The following TWF1 variants were observed in gnomAD, a reference collection of about 807,000 sequenced individuals.
The protein encoded by TWF1 is twinfilin actin binding protein 1, also known as twinfilin-1.
In TWF1, 14 loss-of-function variants were observed where a neutral mutation model predicts 47.9. The observed-to-expected ratio is 0.29, with a 90% CI of 0.19 to 0.46. The LOEUF (loss-of-function observed/expected upper bound fraction) is 0.46, where lower values mean the gene tolerates loss of function less well. Ranked by LOEUF, TWF1 falls within the 20% of genes least tolerant of loss-of-function variation. TWF1 has a pLI of 1.00. For synonymous variants in TWF1, 96 were observed against 139.2 expected (o/e 0.69, Z 2.18); for missense variants, 281 against 409.3 (o/e 0.69, Z 2.70).
chr12:43,795,655 C>G lies in TWF1; in HGVS notation c.983G>C (p.Gly328Ala), dbSNP rs779754703. Residue 328 changes from glycine to alanine, a missense_variant, in exon 9 of 9, where the codon GGT becomes GCT. Transcript: ENST00000395510. ...TCGAATTCCTCTTTTTCCTGCAGGA[C>G]CTTTTGGTTTTGCAAAACTTTGCTT... ...AHKQSFAKPK[G>A]PAGKRGIRRL... 1 of 1,613,388 alleles carries G rather than the reference C, an allele frequency of 6.2e-7. No homozygotes were observed. The highest frequency in any genetic ancestry group is 1.1e-5 in the South Asian group (1 of 91,048).
Position 43,804,133 on chromosome 12 carries a change from T to C in TWF1, c.103+362A>G, listed in dbSNP as rs1300839909. 1.1e-5 allele frequency: 4 copies of C among 355,014 alleles called. No individual in the cohort carries two copies. In the East Asian group the frequency reaches 2.3e-4, roughly 21 times the overall value. 22.0% of individuals were successfully genotyped at this position (355,014 alleles called of 1,614,324 possible). On this transcript the variant is annotated intron_variant, in intron 2 of 8. Transcript: ENST00000395510. Reference sequence around the variant, plus strand: ...TGTTTATATTTAAAAACAAACTTAATTGAATAATTCACAAGTAACTATTTT... The same window carrying C: ...TGTTTATATTTAAAAACAAACTTAACTGAATAATTCACAAGTAACTATTTT...
intron 8 of TWF1, 23 bp downstream of exon 8, chr12:43,796,950 TGAA>T (rs771142706): frequency 1.2e-6 from 2 of 1,602,900 alleles, no homozygotes; most frequent in Non-Finnish European, 8.5e-7. Flanking sequence ...TAGCAAAAAC[TGAA>T]GATTTTAAAA....
In TWF1 at chr12:43,795,212, A is replaced by G. The variant is rs1942527962; in HGVS notation, c.*373T>C. On this transcript the variant is annotated 3_prime_UTR_variant, in exon 9 of 9. Coordinates refer to ENST00000395510, the MANE Select transcript of TWF1 (RefSeq NM_002822.5). ...AGCCTGGTCCTTAACATATTCATTA[A>G]GTAATATGAATATTTTAAGGTCTTT... The G allele has an allele frequency of 1.2e-5, 2 of 165,550 alleles. No homozygotes were observed. The highest frequency in any genetic ancestry group is 6.0e-5 in the Admixed American group (1 of 16,774). The allele number at this position is 165,550 out of a possible 1,614,324, so 10.3% of individuals were successfully genotyped here.
At chr12:43,804,905 A>G (rs1942728923) in intron 1 of TWF1, among the ~76,000 whole-genome samples, 1 of 152,234 alleles carries the variant, frequency 6.6e-6, no homozygotes, top group Non-Finnish European at 1.5e-5. Context: ...CTCTTTTGAA[A>G]AATATTGAAA....
chr12:43,799,257 A>C, intron 5 of TWF1, 141 bp downstream of exon 5: 1 of 481,806 alleles, frequency 2.1e-6, no homozygotes, highest in Non-Finnish European at 3.6e-6. Context: ...TTAAGCACAT[A>C]GCCTTATCTC....
At chr12:43,803,406 C>T (rs1942698527) in intron 2 of TWF1, among the ~76,000 whole-genome samples, 1 of 151,950 alleles carries the variant, frequency 6.6e-6, no homozygotes, top group Non-Finnish European at 1.5e-5. Context: ...ACTGAATTTT[C>T]TAAAATGCTT....
intron 3 of TWF1, 55 bp from the exon 4 acceptor site, chr12:43,800,585 A>G: frequency 7.3e-7 from 1 of 1,360,896 alleles, no homozygotes; most frequent in South Asian, 1.2e-5. Context: ...ACATTACAAA[A>G]GCAAGCACAT....
At chr12:43,801,003 C>A (rs537024593) in intron 3 of TWF1, among the ~76,000 whole-genome samples, 1 of 152,256 alleles carries the variant, frequency 6.6e-6, no homozygotes, top group African/African-American at 2.4e-5. Context: ...CCACTCGCCT[C>A]GGCTTCCCAA....
chr12:43,802,056 C>G (rs1565701364), intron 3 of TWF1, among the ~76,000 whole-genome samples: 1 of 151,988 alleles, frequency 6.6e-6, no homozygotes, highest in Non-Finnish European at 1.5e-5. Context: ...ATTGCCATTG[C>G]CACAAATTTT....
chr12:43,804,869 A>C (rs1045855232), intron 1 of TWF1, among the ~76,000 whole-genome samples: 1 of 152,238 alleles, frequency 6.6e-6, no homozygotes, highest in Non-Finnish European at 1.5e-5. Context: ...TAATGAGCAA[A>C]TTACAATTTT....
intron 1 of TWF1, chr12:43,805,934 A>C (rs769743251): frequency 6.6e-6 from 10 of 1,524,818 alleles, no homozygotes; most frequent in Non-Finnish European, 8.8e-6. Context: ...GGACGGTGGA[A>C]GGCACGCCCC....
chr12:43,806,271 C>G lies in TWF1; in HGVS notation c.-26G>C. On this transcript the variant is annotated 5_prime_UTR_variant, in exon 1 of 9. Coordinates refer to ENST00000395510, the MANE Select transcript of TWF1 (RefSeq NM_002822.5). ...GGCGGCGGCCGCTAGCTCCCGGCTCCGGCGCTGAGTGCAGCCAGCGGCCCC... is the reference window on the plus strand; with the variant it reads ...GGCGGCGGCCGCTAGCTCCCGGCTCGGGCGCTGAGTGCAGCCAGCGGCCCC... 1 of 1,517,860 alleles carries G rather than the reference C, an allele frequency of 6.6e-7. No homozygotes were observed. The highest frequency in any genetic ancestry group is 8.8e-7 in the Non-Finnish European group (1 of 1,136,436). The allele number at this position is 1,517,860 out of a possible 1,614,324, so 94.0% of individuals were successfully genotyped here.
intron 4 of TWF1, among the ~76,000 whole-genome samples, chr12:43,800,017 A>C (rs1942629714): frequency 6.6e-6 from 1 of 152,122 alleles, no homozygotes; most frequent in Admixed American, 6.5e-5. Context: ...AAATTAAGAA[A>C]CCAGCCCACT....
At chr12:43,805,428 G>C (rs1942741442) in intron 1 of TWF1, 2 of 387,540 alleles carry the variant, frequency 5.2e-6, no homozygotes, top group Non-Finnish European at 1.0e-5. Context: ...AGAAAGACTC[G>C]CTATTAACAG....
rs1455990203 is a variant in TWF1, at chr12:43,797,010, A to G, written c.848T>C (p.Val283Ala). 29 of 1,611,300 alleles carry G rather than the reference A, an allele frequency of 1.8e-5. No homozygotes were observed. The highest frequency in any genetic ancestry group is 2.5e-5 in the Non-Finnish European group (29 of 1,179,356). Reference sequence around the variant, plus strand: ...TACATCCATTTGTAGTTGTCTTTCTACAATTTCTAGCAGACGGCTCTTGCA... The same window carrying G: ...TACATCCATTTGTAGTTGTCTTTCTGCAATTTCTAGCAGACGGCTCTTGCA... ...SSCKSRLLEI[V>A]ERQLQMDVIR... Residue 283 changes from valine (V) to alanine (A), a missense_variant, in exon 8 of 9, where the codon GTA becomes GCA. Coordinates refer to ENST00000395510, the MANE Select transcript of TWF1 (RefSeq NM_002822.5).
At position 43,797,318 on chromosome 12, in the gene TWF1, G is replaced by C. The variant is rs1411625946; in HGVS notation, c.744C>G (p.Asp248Glu). ...FFLYKHSHEG[D>E]YLESIVFIYS... ...ATCATATACCTATGGACTCTAAATA[G>C]TCTCCTTCATGGGAATGTTTATACA... Residue 248 changes from aspartate (D) to glutamate (E), a missense_variant, in exon 7 of 9, where the codon GAC becomes GAG. Physicochemically the swap from Asp to Glu is conservative, Grantham distance 45. Transcript: ENST00000395510. 6.3e-7 allele frequency: 1 copy of C among 1,593,432 alleles called. No individual in the cohort carries two copies.
rs188317778 is a variant in TWF1 at position 43,799,345 on chromosome 12, A to G, written c.483+53T>C. On this transcript the variant is annotated intron_variant, in intron 5 of 8. Coordinates refer to ENST00000395510, the MANE Select transcript of TWF1 (RefSeq NM_002822.5). Reference sequence around the variant, plus strand: ...CCTCCCACATCTATTAATTAAAAATACAGTATTTTCAAACACTTAAAATCT... The same window carrying G: ...CCTCCCACATCTATTAATTAAAAATGCAGTATTTTCAAACACTTAAAATCT... 1.8e-5 allele frequency: 21 copies of G among 1,169,952 alleles called. No individual in the cohort carries two copies. In the East Asian group the frequency reaches 4.9e-4, roughly 27 times the overall value. The allele number at this position is 1,169,952 out of a possible 1,614,324, so 72.5% of individuals were successfully genotyped here.
chr12:43,802,602 G>A lies in TWF1; in HGVS notation c.104-138C>T, dbSNP rs544347272. 4.6e-5 allele frequency: 30 copies of A among 645,202 alleles called. 1 individual carries two copies. Among genetic ancestry groups the A allele is most frequent in the South Asian group, 2.4e-4 (11 of 45,606 alleles). The allele number at this position is 645,202 out of a possible 1,614,324, so 40.0% of individuals were successfully genotyped here. On this transcript the variant is annotated intron_variant, in intron 2 of 8. Coordinates refer to ENST00000395510, the MANE Select transcript of TWF1 (RefSeq NM_002822.5). ...ATCAAAAAGTTGAAAAGAAAAATGT[G>A]GTAACATAGAAAGTAATTATGACAT... is the stretch of plus-strand genomic sequence containing the variant.
chr12:43,806,181 C>A, intron 1 of TWF1, 40 bp downstream of exon 1: 1 of 1,538,800 alleles, frequency 6.5e-7, no homozygotes, highest in South Asian at 1.2e-5. Flanking sequence ...CCGGCTCTCC[C>A]GGAAGCCCCT....
Sources: gnomAD v4.1 joint callset for allele counts (sites outside exome capture counted in the v4.1 genomes callset) on GRCh38, gnomAD v4.1.1 for gene constraint, MANE v1.5 for transcripts, NCBI Gene and HGNC (gene_info 2026-07-23, HGNC 2026-07-21) for gene names.